The following GBE1 variants were observed in gnomAD, a reference collection of about 807,000 sequenced individuals.
GBE1 encodes the protein 1,4-alpha-glucan-branching enzyme.
A neutral mutation model predicts 88.8 loss-of-function variants in GBE1; 70 were observed. That is an observed-to-expected ratio of 0.79 (90% CI 0.65 to 0.96). The LOEUF is 0.96. GBE1 is among the 40% of genes least tolerant of loss of function. The pLI, the probability that GBE1 is intolerant of heterozygous loss-of-function variation, is 0.00. For synonymous variants in GBE1, 284 were observed against 300.1 expected (o/e 0.95, Z 0.56); for missense variants, 872 against 871.0 (o/e 1.00, Z -0.01).
intron 12 of GBE1, among the ~76,000 whole-genome samples, chr3:81,560,210 A>C (rs1703398855): frequency 6.6e-6 from 1 of 152,014 alleles, no homozygotes; most frequent in Admixed American, 6.6e-5. Flanking sequence ...AAAAATTTTT[A>C]AGTGCACAGC....
chr3:81,622,771 T>C (rs1704350882), intron 7 of GBE1, among the ~76,000 whole-genome samples: 1 of 152,200 alleles, frequency 6.6e-6, no homozygotes, highest in Non-Finnish European at 1.5e-5. Context: ...TTTTTACCTC[T>C]TGGTCAAAAA....
intron 14 of GBE1, among the ~76,000 whole-genome samples, chr3:81,502,563 C>T (rs557506810): frequency 3.9e-5 from 6 of 152,112 alleles, no homozygotes; most frequent in Admixed American, 3.3e-4. Context: ...AAAGGTAATG[C>T]GTGTGAAAGA....
At chr3:81,659,743 G>A (rs1009606927) in intron 3 of GBE1, among the ~76,000 whole-genome samples, 3 of 151,798 alleles carry the variant, frequency 2.0e-5, no homozygotes, top group Admixed American at 2.0e-4. Context: ...GAAATCTAGA[G>A]AAATTCCGAA....
At chr3:81,534,363 A>AT (rs1559636844) in intron 14 of GBE1, among the ~76,000 whole-genome samples, 1 of 152,044 alleles carries the variant, frequency 6.6e-6, no homozygotes, top group African/African-American at 2.4e-5. Context: ...GAATTCCTAT[A>AT]TTTACAGTAA....
intron 12 of GBE1, among the ~76,000 whole-genome samples, chr3:81,570,229 T>G (rs1703555013): frequency 1.3e-5 from 2 of 152,008 alleles, no homozygotes; most frequent in Non-Finnish European, 2.9e-5. Flanking sequence ...AATGTTAAAT[T>G]AGAAAAAAAA....
intron 7 of GBE1, among the ~76,000 whole-genome samples, chr3:81,623,625 A>T (rs1254754041): frequency 1.3e-5 from 2 of 152,138 alleles, no homozygotes; most frequent in East Asian, 3.9e-4. Context: ...TAGTTAATTT[A>T]GCATATATGG....
intron 12 of GBE1, among the ~76,000 whole-genome samples, chr3:81,553,334 A>G (rs1285215797): frequency 6.8e-6 from 1 of 147,060 alleles, no homozygotes; most frequent in Non-Finnish European, 1.5e-5. Flanking sequence ...ACTTGGATAT[A>G]TATTTTTTTC....
At chr3:81,678,658 T>C (rs1705295416) in intron 2 of GBE1, among the ~76,000 whole-genome samples, 1 of 152,162 alleles carries the variant, frequency 6.6e-6, no homozygotes, top group Non-Finnish European at 1.5e-5. Flanking sequence ...GCATAGAAAT[T>C]ATTCTGAATA....
chr3:81,628,097 T>C (rs1704444664), intron 7 of GBE1, among the ~76,000 whole-genome samples: 1 of 152,112 alleles, frequency 6.6e-6, no homozygotes, highest in Non-Finnish European at 1.5e-5. Flanking sequence ...GGAGGGGCCA[T>C]TTGTTCCAGA....
chr3:81,598,793 T>G (rs1208701148), intron 7 of GBE1, among the ~76,000 whole-genome samples: 1 of 151,708 alleles, frequency 6.6e-6, no homozygotes, highest in Non-Finnish European at 1.5e-5. Context: ...TGAGATAAAT[T>G]GTTCATTCAA....
At chr3:81,571,395 T>A (rs891760602) in intron 12 of GBE1, among the ~76,000 whole-genome samples, 2 of 152,202 alleles carry the variant, frequency 1.3e-5, no homozygotes, top group Non-Finnish European at 2.9e-5. Flanking sequence ...ATATGTTTTA[T>A]AATGACAACA....
intron 2 of GBE1, among the ~76,000 whole-genome samples, chr3:81,699,154 A>C (rs1705648407): frequency 6.6e-6 from 1 of 152,120 alleles, no homozygotes; most frequent in African/African-American, 2.4e-5. Flanking sequence ...TCTAGGAAAA[A>C]TTTCCAATAA....
At chr3:81,529,069 T>G (rs1426081811) in intron 14 of GBE1, among the ~76,000 whole-genome samples, 1 of 152,022 alleles carries the variant, frequency 6.6e-6, no homozygotes, top group Non-Finnish European at 1.5e-5. Flanking sequence ...TGAAATTGAT[T>G]GGTGATATGT....
intron 2 of GBE1, among the ~76,000 whole-genome samples, chr3:81,692,347 T>C (rs1442623652): frequency 6.6e-6 from 1 of 152,228 alleles, no homozygotes; most frequent in Non-Finnish European, 1.5e-5. Context: ...GTCTCGTTTA[T>C]GTTTGCTTTT....
At chr3:81,620,861 T>C (rs1369595148) in intron 7 of GBE1, among the ~76,000 whole-genome samples, 2 of 152,146 alleles carry the variant, frequency 1.3e-5, no homozygotes, top group Non-Finnish European at 2.9e-5. Flanking sequence ...GAAAGATATG[T>C]GGTCTTAAAA....
At chr3:81,684,924 A>C (rs1213232771) in intron 2 of GBE1, among the ~76,000 whole-genome samples, 1 of 152,206 alleles carries the variant, frequency 6.6e-6, no homozygotes, top group East Asian at 1.9e-4. Flanking sequence ...TAAGTGACAG[A>C]GCATGACTCA....
chr3:81,737,425 A>T (rs548943826), intron 1 of GBE1, among the ~76,000 whole-genome samples: 2,093 of 140,094 alleles, frequency 0.015, 66 homozygotes, highest in African/African-American at 0.052. Flanking sequence ...ATATAAATAT[A>T]TATATTCATT....
chr3:81,528,887 T>C (rs187743299), intron 14 of GBE1, among the ~76,000 whole-genome samples: 1 of 152,182 alleles, frequency 6.6e-6, no homozygotes, highest in African/African-American at 2.4e-5. Flanking sequence ...GCATGTTTAT[T>C]GTAGGCAGTA....
intron 1 of GBE1, among the ~76,000 whole-genome samples, chr3:81,724,476 T>C (rs908414017): frequency 1.3e-5 from 2 of 152,132 alleles, no homozygotes; most frequent in African/African-American, 2.4e-5. Flanking sequence ...TCCAAATCTT[T>C]CTAGTCAATA....
Sources: allele counts gnomAD v4.1 joint callset (sites outside exome capture counted in the v4.1 genomes callset), GRCh38; gene constraint gnomAD v4.1.1; transcripts MANE v1.5; gene names NCBI Gene and HGNC (gene_info 2026-07-23, HGNC 2026-07-21).